ESRRG: variants seen among roughly 807,000 people sequenced by gnomAD.
ESRRG encodes estrogen-related receptor gamma.
Under a neutral mutation model 44.0 loss-of-function variants are expected in ESRRG, and 13 were observed. The ratio of observed to expected loss-of-function variants is 0.30; its 90% CI spans 0.19 to 0.47. ESRRG has a LOEUF of 0.47. Among genes scored for constraint, ESRRG ranks in the 20% least tolerant of loss-of-function variants. The pLI, the probability that ESRRG is intolerant of heterozygous loss-of-function variation, is 1.00. For missense variants in ESRRG, 395 were observed against 580.6 expected, an observed-to-expected ratio of 0.68 and a Z score of 3.29; for synonymous variants, 215 against 214.6, an observed-to-expected ratio of 1.00 and a Z score of -0.02.
At chr1:216,678,189 T>C (rs1451712335) in intron 1 of ESRRG, among the ~76,000 whole-genome samples, 1 of 152,122 alleles carries the variant, frequency 6.6e-6, no homozygotes, top group Non-Finnish European at 1.5e-5. Context: ...AGTATAAAAT[T>C]CCAGCCAATA....
chr1:216,985,434 C>T (rs1163302817), intron 1 of ESRRG, among the ~76,000 whole-genome samples: 2 of 152,186 alleles, frequency 1.3e-5, no homozygotes, highest in Non-Finnish European at 2.9e-5. Flanking sequence ...CCAAATATTT[C>T]AAAGGCAAAG....
Position 216,756,839 on chromosome 1 carries a change from C to T in ESRRG, c.-13-79348G>A, listed in dbSNP as rs181559343. 1.6e-4 allele frequency among the ~76,000 whole-genome samples: 25 copies of T among 152,018 alleles called. No individual in the cohort carries two copies. In the East Asian group the frequency reaches 2.5e-3, roughly 15 times the overall value. ...AACAATTCTCTATGCAAAGAATGGT[C>T]CTCATTGGGTTTGGGAATATCTTTG... On this transcript the variant is annotated intron_variant, in intron 2 of 7. Transcript: ENST00000359162.
At chr1:216,557,102 C>T (rs1012421536) in intron 5 of ESRRG, among the ~76,000 whole-genome samples, 7 of 152,258 alleles carry the variant, frequency 4.6e-5, no homozygotes, top group Middle Eastern at 3.4e-3. Flanking sequence ...TTAAGGACTT[C>T]GCCAGCTCTT....
In ESRRG at chr1:216,651,070, G is replaced by A. The variant is rs35436280; in HGVS notation, c.492C>T (p.Cys164=). 4,972 of 1,610,790 alleles carry A rather than the reference G, an allele frequency of 3.1e-3. 113 individuals carry two copies. In the African/African-American group the frequency reaches 0.058, roughly 19 times the overall value. Residue 164 remains cysteine, a synonymous_variant, in exon 3 of 7, where the codon TGC becomes TGT. Coordinates refer to ENST00000408911, the MANE Select transcript of ESRRG (RefSeq NM_001438.4). ...RTIQGNIEYS[C]PATNECEITK... ...TGATTTCACATTCATTCGTGGCAGG[G>A]CAGCTGTATTCTATATTGCCTAAAA...
upstream of ESRRG, among the ~76,000 whole-genome samples, chr1:217,092,357 A>C (rs999699412): frequency 2.0e-5 from 3 of 152,130 alleles, no homozygotes; most frequent in Non-Finnish European, 4.4e-5. Flanking sequence ...CCTAAACTTT[A>C]CTCATGCTTA....
chr1:216,949,081 C>A (rs1011878792), intron 1 of ESRRG, among the ~76,000 whole-genome samples: 3 of 152,166 alleles, frequency 2.0e-5, no homozygotes, highest in Non-Finnish European at 4.4e-5. Flanking sequence ...CTTCCCAACA[C>A]CTTCACCATG....
rs141508215 is a variant in ESRRG at position 216,508,536 on chromosome 1, G to A, written c.1133-1353C>T. 2.1e-3 allele frequency among the ~76,000 whole-genome samples: 319 copies of A among 152,256 alleles called. 1 individual carries two copies. Among genetic ancestry groups the A allele is most frequent in the African/African-American group, 7.1e-3 (293 of 41,546 alleles). On this transcript the variant is annotated intron_variant, in intron 6 of 6. Transcript: ENST00000408911. ...AGCATTGATAGTGGTTCCCTGGAGC[G>A]GGACTCAAGTCACTCCCCAACATAC... is the stretch of plus-strand genomic sequence containing the variant.
chr1:217,128,501 G>A (rs758422313), intron 1 of ESRRG, among the ~76,000 whole-genome samples: 1 of 152,036 alleles, frequency 6.6e-6, no homozygotes, highest in Non-Finnish European at 1.5e-5. Flanking sequence ...TGATTTTCCT[G>A]GTTATTGTTG....
chr1:216,851,604 C>A (rs2095844023), intron 2 of ESRRG, among the ~76,000 whole-genome samples: 1 of 152,130 alleles, frequency 6.6e-6, no homozygotes, highest in Admixed American at 6.6e-5. Flanking sequence ...AGGCCCTCGC[C>A]AGAACCTGAT....
At chr1:216,703,691 G>T (rs1454823651) in intron 1 of ESRRG, among the ~76,000 whole-genome samples, 2 of 149,884 alleles carry the variant, frequency 1.3e-5, no homozygotes, top group African/African-American at 4.9e-5. Flanking sequence ...GTGTATGTTT[G>T]TGTGTGTATG....
intron 5 of ESRRG, among the ~76,000 whole-genome samples, chr1:216,531,812 C>T (rs2049442438): frequency 6.6e-6 from 1 of 152,042 alleles, no homozygotes; most frequent in Non-Finnish European, 1.5e-5. Context: ...CCCAAATAAA[C>T]AAGAGCACCC....
intron 3 of ESRRG, among the ~76,000 whole-genome samples, chr1:216,587,608 A>G (rs2056893636): frequency 1.3e-5 from 2 of 152,228 alleles, no homozygotes; most frequent in African/African-American, 4.8e-5. Flanking sequence ...TGTTGTCACA[A>G]GAGAAGACTT....
rs369978101 is a variant in ESRRG, at chr1:216,692,070, CT to C, written c.57-14580del. 2.2e-4 allele frequency among the ~76,000 whole-genome samples: 33 copies of C among 152,200 alleles called. 1 individual carries two copies. In the East Asian group the frequency reaches 5.4e-3, roughly 25 times the overall value. On this transcript the variant is annotated intron_variant, in intron 1 of 6. Coordinates refer to ENST00000408911, the MANE Select transcript of ESRRG (RefSeq NM_001438.4). ...TTTACTGGTTTATGTATTTACTATA[CT>C]TTTTAATCATTATTTTAGAGTGTAC...
intron 3 of ESRRG, among the ~76,000 whole-genome samples, chr1:216,614,669 G>A (rs371672224): frequency 6.6e-6 from 1 of 152,200 alleles, no homozygotes; most frequent in Non-Finnish European, 1.5e-5. Context: ...AGTGCAGGGG[G>A]AAGTGTTCCT....
intron 2 of ESRRG, among the ~76,000 whole-genome samples, chr1:216,907,556 T>G (rs557007793): frequency 6.6e-6 from 1 of 152,320 alleles, no homozygotes. Context: ...TTATCACTAC[T>G]ATTGGCCTCG....
chr1:217,004,994 T>C (rs1315765943), intron 1 of ESRRG, among the ~76,000 whole-genome samples: 2 of 152,128 alleles, frequency 1.3e-5, no homozygotes, highest in Non-Finnish European at 2.9e-5. Context: ...GTAATAATGG[T>C]TCTACTCTTA....
At chr1:217,117,168 C>A (rs902185834) in intron 1 of ESRRG, among the ~76,000 whole-genome samples, 1 of 152,236 alleles carries the variant, frequency 6.6e-6, no homozygotes, top group Non-Finnish European at 1.5e-5. Flanking sequence ...AACTATGGAA[C>A]CTTGAAAAGC....
intron 3 of ESRRG, among the ~76,000 whole-genome samples, chr1:216,597,727 A>G (rs188731306): frequency 1.3e-5 from 2 of 152,298 alleles, no homozygotes; most frequent in Admixed American, 1.3e-4. Context: ...ACAAAATGTG[A>G]AATGTATGAA....
At position 216,550,466 on chromosome 1, in the gene ESRRG, A is replaced by C. The variant is rs1216045340; in HGVS notation, c.862+13753T>G. Among the ~76,000 whole-genome samples, 2 of 152,146 alleles carry C rather than the reference A, an allele frequency of 1.3e-5. 1 individual carries two copies. Among genetic ancestry groups the C allele is most frequent in the Non-Finnish European group, 2.9e-5 (2 of 68,024 alleles). On this transcript the variant is annotated intron_variant, in intron 5 of 6. Coordinates refer to ENST00000408911, the MANE Select transcript of ESRRG (RefSeq NM_001438.4). ...ATGAGCAATAATGCCTTGTTTTTCAACTGGCAATCACTCCGCTGCCAACAA... is the reference window on the plus strand; with the variant it reads ...ATGAGCAATAATGCCTTGTTTTTCACCTGGCAATCACTCCGCTGCCAACAA...
Sources: gnomAD v4.1 joint callset for allele counts (sites outside exome capture counted in the v4.1 genomes callset) on GRCh38, gnomAD v4.1.1 for gene constraint, MANE v1.5 for transcripts, NCBI Gene and HGNC (gene_info 2026-07-23, HGNC 2026-07-21) for gene names.